ARRB1: variants seen among roughly 807,000 people sequenced by gnomAD.
ARRB1 encodes beta-arrestin-1.
In ARRB1, 21 loss-of-function variants were observed where a neutral mutation model predicts 56.8. The observed-to-expected ratio is 0.37, with a 90% CI of 0.26 to 0.53. The LOEUF (loss-of-function observed/expected upper bound fraction) is 0.53, where lower values mean the gene tolerates loss of function less well. ARRB1 is among the 20% of genes least tolerant of loss of function. The pLI, the probability that ARRB1 is intolerant of heterozygous loss-of-function variation, is 0.88. For synonymous variants in ARRB1, 210 were observed against 218.6 expected (o/e 0.96, Z 0.35); for missense variants, 424 against 553.7 (o/e 0.77, Z 2.35).
intron 6 of ARRB1, chr11:75,281,743 A>G: frequency 1.7e-6 from 1 of 581,206 alleles, no homozygotes. Context: ...GAGAGCCTCC[A>G]GACCCATCAC....
At chr11:75,274,532 C>T (rs1489836451) in intron 10 of ARRB1, 2 of 216,714 alleles carry the variant, frequency 9.2e-6, no homozygotes, top group African/African-American at 2.2e-5. Flanking sequence ...TGGCTCACGC[C>T]TGTAATCCCA....
At chr11:75,280,987 G>T (rs1386901338) in intron 7 of ARRB1, 88 bp downstream of exon 7, 5 of 1,433,744 alleles carry the variant, frequency 3.5e-6, no homozygotes, top group Non-Finnish European at 4.8e-6. Flanking sequence ...ACACTTCCAG[G>T]TATTGTTACT....
chr11:75,265,981 C>T lies in ARRB1; in HGVS notation c.*182G>A, dbSNP rs541193532. ...AGCCAGTGCGCTGTGGTCCTGTTGG[C>T]GTGGTGATGTGGGGCCAATCCTGAG... On this transcript the variant is annotated 3_prime_UTR_variant, in exon 16 of 16. Coordinates refer to ENST00000420843, the MANE Select transcript of ARRB1 (RefSeq NM_004041.5). The T allele has an allele frequency of 1.0e-5, 6 of 601,526 alleles. No individual in the cohort carries two copies. The highest frequency in any genetic ancestry group is 1.8e-5 in the Non-Finnish European group (6 of 335,636). The allele number at this position is 601,526 out of a possible 1,614,324, so 37.3% of individuals were successfully genotyped here. A position where few individuals can be genotyped will look rare whatever the true frequency, so the allele number is the denominator to read the frequency against.
intron 1 of ARRB1, among the ~76,000 whole-genome samples, chr11:75,302,996 T>TATC (rs1946940985): frequency 2.0e-5 from 2 of 100,998 alleles, no homozygotes; most frequent in African/African-American, 5.7e-5. Context: ...AGATTATTAT[T>TATC]ATCATTATTA....
intron 1 of ARRB1, chr11:75,303,600 T>C (rs1407711436): frequency 4.4e-6 from 2 of 456,232 alleles, no homozygotes; most frequent in Non-Finnish European, 8.8e-6. Context: ...TGTTTTTACC[T>C]GCAGAAGGTA....
chr11:75,301,403 CTT>C (rs1946901985), intron 1 of ARRB1, among the ~76,000 whole-genome samples: 1 of 152,198 alleles, frequency 6.6e-6, no homozygotes, highest in African/African-American at 2.4e-5. Flanking sequence ...ATGTGAGGGC[CTT>C]CGGCTAGGAG....
intron 1 of ARRB1, among the ~76,000 whole-genome samples, chr11:75,348,531 G>A (rs2135009542): frequency 6.6e-6 from 1 of 152,190 alleles, no homozygotes; most frequent in East Asian, 1.9e-4. Context: ...ATGAATATAT[G>A]ATTGTTCCCA....
Position 75,274,175 on chromosome 11 carries a change from G to A in ARRB1, c.813C>T (p.Val271=). 2 of 1,614,212 alleles carry A rather than the reference G, an allele frequency of 1.2e-6. No homozygotes were observed. The highest frequency in any genetic ancestry group is 1.7e-6 in the Non-Finnish European group (2 of 1,180,032). Residue 271 remains valine (V), a synonymous_variant, in exon 11 of 16, where the codon GTC becomes GTT. Transcript: ENST00000420843. ...TGGCTAGGAAGGGGGTCAGTGTGTA[G>A]ACCTTGCAGAACGTCGAGCTGGGTG... The part of the protein sequence containing the change: ...TVAPSSTFCK[V]YTLTPFLANN...
intron 10 of ARRB1, chr11:75,275,047 G>A (rs1338977952): frequency 6.6e-6 from 1 of 152,104 alleles, no homozygotes; most frequent in African/African-American, 2.4e-5. Context: ...GCTGGCTGTA[G>A]TGAGCCATGA....
chr11:75,275,566 C>A (rs1946183781), intron 10 of ARRB1, among the ~76,000 whole-genome samples: 1 of 152,160 alleles, frequency 6.6e-6, no homozygotes. Flanking sequence ...TTGATCACAT[C>A]CATCATATAT....
In ARRB1 at chr11:75,261,206, G is replaced by GTA. The variant is rs1395506709; in HGVS notation, c.*4956_*4957insTA. 6.6e-6 allele frequency: 1 copy of GTA among 152,142 alleles called. No individual in the cohort carries two copies. Among genetic ancestry groups the GTA allele is most frequent in the African/African-American group, 2.4e-5 (1 of 41,278 alleles). The allele number at this position is 152,142 out of a possible 1,614,324, so 9.4% of individuals were successfully genotyped here. A position where few individuals can be genotyped will look rare whatever the true frequency, so the allele number is the denominator to read the frequency against. ...CGTGTGTGTGTGTGTGTGTGTGTGTGTGTGTGTGTGTGTGTATAAATGCTT... is the reference window on the plus strand; with the variant it reads ...CGTGTGTGTGTGTGTGTGTGTGTGTGTATGTGTGTGTGTGTGTATAAATGCTT... On this transcript the variant is annotated 3_prime_UTR_variant, in exon 16 of 16. Transcript: ENST00000420843.
At chr11:75,342,772 T>C (rs1322941947) in intron 1 of ARRB1, among the ~76,000 whole-genome samples, 2 of 152,168 alleles carry the variant, frequency 1.3e-5, no homozygotes, top group Non-Finnish European at 2.9e-5. Flanking sequence ...GAAGTAGGAT[T>C]GGACCAAGTA....
intron 1 of ARRB1, among the ~76,000 whole-genome samples, chr11:75,299,658 C>A (rs1366035230): frequency 6.6e-6 from 1 of 152,142 alleles, no homozygotes; most frequent in African/African-American, 2.4e-5. Flanking sequence ...GGGTTAGGAG[C>A]CCCTCAGCTC....
intron 1 of ARRB1, among the ~76,000 whole-genome samples, chr11:75,295,878 C>T (rs1946731354): frequency 1.3e-5 from 2 of 152,174 alleles, no homozygotes. Flanking sequence ...CTAGCTTCTC[C>T]TGGCTGATAC....
chr11:75,294,566 TAAA>T lies in ARRB1; in HGVS notation c.21-4530_21-4528del, dbSNP rs1946682213. Among the ~76,000 whole-genome samples, 11 of 53,726 alleles carry T rather than the reference TAAA, an allele frequency of 2.0e-4. No homozygotes were observed. In the South Asian group the frequency reaches 5.5e-3, roughly 27 times the overall value. 35.2% of individuals were successfully genotyped at this position (53,726 alleles called of 152,430 possible). ...AGCAAGACTCCGTCTCAAAAATAAATAAATAAATAAATAAATAAATAAATAAAT... is the reference window on the plus strand; with the variant it reads ...AGCAAGACTCCGTCTCAAAAATAAATTAAATAAATAAATAAATAAATAAAT... On this transcript the variant is annotated intron_variant, in intron 1 of 15. Transcript: ENST00000420843.
chr11:75,308,672 G>C (rs1281956033), intron 1 of ARRB1, among the ~76,000 whole-genome samples: 3 of 151,962 alleles, frequency 2.0e-5, no homozygotes, highest in Non-Finnish European at 2.9e-5. Context: ...TTGAACCTGG[G>C]AGACGGAGGT....
At chr11:75,317,179 C>G (rs900402172) in intron 1 of ARRB1, among the ~76,000 whole-genome samples, 2 of 152,172 alleles carry the variant, frequency 1.3e-5, no homozygotes, top group Admixed American at 1.3e-4. Context: ...TCCACTGTGT[C>G]AGGTGGCCTC....
chr11:75,273,481 C>T (rs993798960), intron 11 of ARRB1, among the ~76,000 whole-genome samples: 1 of 152,150 alleles, frequency 6.6e-6, no homozygotes, highest in African/African-American at 2.4e-5. Context: ...AAGTGGGAGG[C>T]TGTGCAGGGG....
chr11:75,293,211 A>T (rs1187932377), intron 1 of ARRB1, among the ~76,000 whole-genome samples: 1 of 152,080 alleles, frequency 6.6e-6, no homozygotes, highest in Non-Finnish European at 1.5e-5. Flanking sequence ...CAGCCACCAC[A>T]TTCCCCAAGA....
Sources: gnomAD v4.1 joint callset for allele counts (sites outside exome capture counted in the v4.1 genomes callset) on GRCh38, gnomAD v4.1.1 for gene constraint, MANE v1.5 for transcripts, NCBI Gene and HGNC (gene_info 2026-07-23, HGNC 2026-07-21) for gene names.